DGKB: variants seen among roughly 807,000 people sequenced by gnomAD.
DGKB encodes diacylglycerol kinase beta, also known as 90 kDa diacylglycerol kinase.
DGKB carries 67 observed loss-of-function variants against 114.3 expected under a neutral mutation model. The observed-to-expected ratio is 0.59, with a 90% CI of 0.48 to 0.72. The LOEUF (loss-of-function observed/expected upper bound fraction) is 0.72. DGKB is among the 30% of genes least tolerant of loss of function. The pLI is 0.00. For missense variants in DGKB, 907 were observed against 975.2 expected (o/e 0.93, Z 0.93); for synonymous variants, 398 against 323.1 (o/e 1.23, Z -2.49).
chr7:14,230,521 G>A (rs1444546933), intron 23 of DGKB, among the ~76,000 whole-genome samples: 1 of 151,878 alleles, frequency 6.6e-6, no homozygotes, highest in Admixed American at 6.6e-5. Flanking sequence ...TAAAAAACAG[G>A]AGTAGAAATC....
At chr7:14,919,056 C>CCACACG (rs1784377567) in intron 1 of DGKB, among the ~76,000 whole-genome samples, 1 of 96,430 alleles carries the variant, frequency 1.0e-5, no homozygotes, top group South Asian at 3.8e-4. Flanking sequence ...TGAGACTCCA[C>CCACACG]CACACGCACA....
intron 21 of DGKB, among the ~76,000 whole-genome samples, chr7:14,389,814 T>C (rs1563082259): frequency 6.6e-6 from 1 of 152,224 alleles, no homozygotes; most frequent in Non-Finnish European, 1.5e-5. Context: ...TGGATTTCTC[T>C]GGCTTACTGA....
chr7:14,633,386 C>G (rs1244004260), intron 13 of DGKB, among the ~76,000 whole-genome samples: 2 of 151,826 alleles, frequency 1.3e-5, no homozygotes, highest in African/African-American at 2.4e-5. Context: ...CTGAGAGCAA[C>G]ACTAGAAATT....
At chr7:14,356,207 G>A (rs1044977103) in intron 21 of DGKB, among the ~76,000 whole-genome samples, 3 of 151,690 alleles carry the variant, frequency 2.0e-5, no homozygotes, top group African/African-American at 7.3e-5. Context: ...TATCAATTTT[G>A]TTGATCTTTT....
intron 25 of DGKB, among the ~76,000 whole-genome samples, chr7:14,166,590 A>G (rs561131971): frequency 6.6e-6 from 1 of 152,052 alleles, no homozygotes; most frequent in African/African-American, 2.4e-5. Flanking sequence ...AGGAATAAGC[A>G]CTCTTCACTC....
chr7:14,177,905 TA>T, intron 24 of DGKB, 125 bp downstream of exon 24: 1 of 936,058 alleles, frequency 1.1e-6, no homozygotes, highest in Non-Finnish European at 1.5e-6. Context: ...TGAAATATAT[TA>T]GTATTAATAA....
chr7:14,923,651 C>G (rs1587389527), intron 1 of DGKB, among the ~76,000 whole-genome samples: 1 of 152,108 alleles, frequency 6.6e-6, no homozygotes, highest in African/African-American at 2.4e-5. Flanking sequence ...TTTCTCCAAT[C>G]CATTCTCCAT....
chr7:14,247,591 GATA>G lies in DGKB; in HGVS notation c.2123-69443_2123-69441del, dbSNP rs1386770155. Among the ~76,000 whole-genome samples the G allele has an allele frequency of 1.7e-4, 26 of 152,112 alleles. No homozygotes were observed. In the South Asian group the frequency reaches 4.4e-3, roughly 25 times the overall value. On this transcript the variant is annotated intron_variant, in intron 23 of 25. Transcript: ENST00000402815. ...TTGTGATTTTGATTTGCATTTTCCT[GATA>G]ATAAGTGATGTTGAGCATTTCTTCG...
At chr7:14,822,865 A>G (rs1845135904) in intron 2 of DGKB, among the ~76,000 whole-genome samples, 1 of 152,132 alleles carries the variant, frequency 6.6e-6, no homozygotes, top group Admixed American at 6.6e-5. Flanking sequence ...TCTGATTATG[A>G]CAATCTATTT....
At chr7:14,857,464 C>T (rs187484379) in intron 1 of DGKB, among the ~76,000 whole-genome samples, 57 of 152,206 alleles carry the variant, frequency 3.7e-4, no homozygotes, top group Middle Eastern at 6.8e-3. Flanking sequence ...CTACACCAGG[C>T]TCAGATTCCT....
At chr7:14,767,055 C>G (rs1172879746) in intron 2 of DGKB, among the ~76,000 whole-genome samples, 1 of 151,094 alleles carries the variant, frequency 6.6e-6, no homozygotes, top group South Asian at 2.1e-4. Flanking sequence ...ATATAGGCAA[C>G]TCATTCAAAA....
At chr7:14,299,624 G>A (rs1562875388) in intron 23 of DGKB, among the ~76,000 whole-genome samples, 1 of 151,998 alleles carries the variant, frequency 6.6e-6, no homozygotes, top group Non-Finnish European at 1.5e-5. Flanking sequence ...TATACCCATA[G>A]TGATAACATT....
rs1177958386 is a variant in DGKB at position 14,389,589 on chromosome 7, T to A, written c.1836-44198A>T. 3.9e-5 allele frequency among the ~76,000 whole-genome samples: 6 copies of A among 152,236 alleles called. No individual in the cohort carries two copies. In the East Asian group the frequency reaches 1.2e-3, roughly 29 times the overall value. On this transcript the variant is annotated intron_variant, in intron 21 of 25. Coordinates refer to ENST00000402815, the MANE Select transcript of DGKB (RefSeq NM_001350709.2). The stretch of plus-strand genomic sequence containing the variant: ...CTCAGGGAACCTGTGCCGTTGAAGA[T>A]ATTTACAAGTTGCTTTCAGCTTAAA...
intron 23 of DGKB, among the ~76,000 whole-genome samples, chr7:14,290,628 T>TCGAG (rs892100660): frequency 1.3e-5 from 2 of 152,100 alleles, no homozygotes; most frequent in African/African-American, 4.8e-5. Flanking sequence ...ACATGTTAGC[T>TCGAG]CTTAAAGCTT....
chr7:14,725,388 T>C (rs1347419841), intron 5 of DGKB, among the ~76,000 whole-genome samples: 1 of 152,142 alleles, frequency 6.6e-6, no homozygotes, highest in Non-Finnish European at 1.5e-5. Context: ...AATTTGAATA[T>C]ATATAAGTAT....
chr7:14,684,268 GACAA>G (rs914886352), intron 10 of DGKB, among the ~76,000 whole-genome samples: 113 of 152,016 alleles, frequency 7.4e-4, no homozygotes, highest in African/African-American at 2.5e-3. Context: ...GCTAGCTAAC[GACAA>G]ACAAACAAAC....
chr7:14,875,244 T>A (rs1226221343), intron 1 of DGKB, among the ~76,000 whole-genome samples: 1 of 151,982 alleles, frequency 6.6e-6, no homozygotes, highest in African/African-American at 2.4e-5. Context: ...ACAAAATAAG[T>A]TTCATACCTC....
At chr7:14,252,418 A>T (rs919646231) in intron 23 of DGKB, among the ~76,000 whole-genome samples, 5 of 152,136 alleles carry the variant, frequency 3.3e-5, no homozygotes, top group African/African-American at 9.7e-5. Flanking sequence ...ATGTCTGCTT[A>T]TTTAAAGAAA....
rs549074831 is a variant in DGKB, at chr7:14,467,826, T to G, written c.1835+10335A>C. ...GGAGGGAGAAGCAACGCAGAGGATATAATTAGTTCCAATTAGCCATGCCAG... is the reference window on the plus strand; with the variant it reads ...GGAGGGAGAAGCAACGCAGAGGATAGAATTAGTTCCAATTAGCCATGCCAG... On this transcript the variant is annotated intron_variant, in intron 21 of 25. Transcript: ENST00000402815. 3.3e-5 allele frequency among the ~76,000 whole-genome samples: 5 copies of G among 152,086 alleles called. No homozygotes were observed. In the East Asian group the frequency reaches 9.7e-4, roughly 29 times the overall value.
Sources: gnomAD v4.1 joint callset for allele counts (sites outside exome capture counted in the v4.1 genomes callset) on GRCh38, gnomAD v4.1.1 for gene constraint, MANE v1.5 for transcripts, NCBI Gene and HGNC (gene_info 2026-07-23, HGNC 2026-07-21) for gene names.